LARGE1: variants seen among roughly 807,000 people sequenced by gnomAD.
The protein encoded by LARGE1 is LARGE xylosyl- and glucuronyltransferase 1.
A neutral mutation model predicts 87.6 loss-of-function variants in LARGE1; 43 were observed. The observed-to-expected ratio is 0.49, with a 90% CI of 0.38 to 0.63. The LOEUF is 0.63. Among genes scored for constraint, LARGE1 ranks in the 30% least tolerant of loss-of-function variants. The pLI is 0.00. For synonymous variants in LARGE1, 434 were observed against 394.6 expected, an observed-to-expected ratio of 1.10 and a Z score of -1.18; for missense variants, 802 against 1,000.2, an observed-to-expected ratio of 0.80 and a Z score of 2.67.
At chr22:33,296,384 A>G (rs1228222914) in intron 12 of LARGE1, among the ~76,000 whole-genome samples, 2 of 152,198 alleles carry the variant, frequency 1.3e-5, no homozygotes, top group Non-Finnish European at 2.9e-5. Flanking sequence ...TATCTGGTGC[A>G]AAGATTAAAA....
intron 6 of LARGE1, among the ~76,000 whole-genome samples, chr22:33,463,951 G>C (rs2068484195): frequency 6.6e-6 from 1 of 152,160 alleles, no homozygotes; most frequent in Admixed American, 6.5e-5. Flanking sequence ...TGGGATTACA[G>C]GTGTGGGACA....
At chr22:33,313,477 C>T (rs1935824175) in intron 11 of LARGE1, among the ~76,000 whole-genome samples, 2 of 152,236 alleles carry the variant, frequency 1.3e-5, no homozygotes, top group African/African-American at 4.8e-5. Context: ...AGATTCCCGC[C>T]CCGCTGGCGG....
At chr22:33,456,003 A>G (rs1349830458) in intron 6 of LARGE1, among the ~76,000 whole-genome samples, 2 of 152,154 alleles carry the variant, frequency 1.3e-5, no homozygotes, top group African/African-American at 2.4e-5. Flanking sequence ...ATCCACAGCT[A>G]TTCTCCCATC....
At chr22:33,306,447 G>C (rs1287564970) in intron 11 of LARGE1, among the ~76,000 whole-genome samples, 1 of 152,178 alleles carries the variant, frequency 6.6e-6, no homozygotes, top group Non-Finnish European at 1.5e-5. Flanking sequence ...GGCATGAAGA[G>C]AGGACCACTT....
chr22:33,324,860 A>C (rs1937100839), intron 10 of LARGE1, among the ~76,000 whole-genome samples: 1 of 152,218 alleles, frequency 6.6e-6, no homozygotes, highest in Admixed American at 6.5e-5. Context: ...AGTAAGACAA[A>C]GGGTTTGGAC....
At chr22:33,920,889 G>A (rs932676123), upstream of LARGE1, among the ~76,000 whole-genome samples, 16 of 146,794 alleles carry the variant, frequency 1.1e-4, no homozygotes, top group African/African-American at 3.7e-4. Context: ...TCCCGCGCCC[G>A]GCCAGGAGTG....
At chr22:33,153,499 G>A in the LARGE1 span, among the ~76,000 whole-genome samples, 70,468 of 151,990 alleles carry the variant, frequency 0.46, 16,475 homozygotes, top group South Asian at 0.69. Flanking sequence ...TCAATGAATT[G>A]TATCCATCAT....
rs2079622420 is a variant in LARGE1 at position 33,617,727 on chromosome 22, CCA to C, written c.491+8515_491+8516del. ...TATTGCTGCAGACATCAAGTGTGGT[CCA>C]CAGACAGACCAGACCACAATTCTAC... On this transcript the variant is annotated intron_variant, in intron 4 of 14. Transcript: ENST00000397394. Among the ~76,000 whole-genome samples, 3 of 152,214 alleles carry C rather than the reference CCA, an allele frequency of 2.0e-5. No individual in the cohort carries two copies. In the South Asian group the frequency reaches 6.2e-4, roughly 32 times the overall value.
chr22:33,236,186 C>G (rs1172644756), intron 11 of LARGE1, among the ~76,000 whole-genome samples: 1 of 152,216 alleles, frequency 6.6e-6, no homozygotes, highest in African/African-American at 2.4e-5. Flanking sequence ...ACCTCCAGAA[C>G]TGTGAGAGCA....
chr22:33,920,950 G>C (rs1014923406), upstream of LARGE1, among the ~76,000 whole-genome samples: 1 of 149,022 alleles, frequency 6.7e-6, no homozygotes, highest in African/African-American at 2.4e-5. Flanking sequence ...CGGGCTCCGG[G>C]CTGGCCCCGC....
intron 1 of LARGE1, among the ~76,000 whole-genome samples, chr22:33,802,007 G>GA (rs1047912680): frequency 1.3e-5 from 2 of 148,756 alleles, no homozygotes; most frequent in East Asian, 2.0e-4. Flanking sequence ...AAAGTCCTCT[G>GA]AAAAAATGCC....
chr22:33,239,540 T>TTC (rs1568985939), intron 11 of LARGE1, among the ~76,000 whole-genome samples: 1 of 133,752 alleles, frequency 7.5e-6, no homozygotes, highest in East Asian at 2.0e-4. Flanking sequence ...CTTTTCTTTT[T>TTC]TTTTTTTTTT....
At chr22:33,837,336 CACATATATAGTAT>C (rs1313957203) in intron 1 of LARGE1, among the ~76,000 whole-genome samples, 178 of 151,984 alleles carry the variant, frequency 1.2e-3, no homozygotes, top group African/African-American at 4.1e-3. Context: ...TATACACACA[CACATATATAGTAT>C]ACATATATGT....
chr22:33,520,071 C>T (rs2071506977), intron 6 of LARGE1, among the ~76,000 whole-genome samples: 1 of 135,840 alleles, frequency 7.4e-6, no homozygotes, highest in Admixed American at 8.3e-5. Flanking sequence ...GTGGTGTGAT[C>T]AGAGCTCACT....
intron 6 of LARGE1, among the ~76,000 whole-genome samples, chr22:33,501,360 C>T (rs189855737): frequency 7.9e-5 from 12 of 152,148 alleles, no homozygotes; most frequent in South Asian, 2.1e-4. Context: ...GATGGGAGAT[C>T]GCCTCTGTGT....
Position 33,231,628 on chromosome 22 carries a change from G to A in LARGE1, c.1731-64796C>T, listed in dbSNP as rs549327770. On this transcript the variant is annotated intron_variant, in intron 11 of 11. Coordinates refer to the LARGE1 transcript ENST00000608642. Reference sequence around the variant, plus strand: ...GGCATTTAAATGAAGATTTGGAGGGGACCATAAAACTTTTCCAATTTTCTA... The same window carrying A: ...GGCATTTAAATGAAGATTTGGAGGGAACCATAAAACTTTTCCAATTTTCTA... Among the ~76,000 whole-genome samples, 75 of 152,210 alleles carry A rather than the reference G, an allele frequency of 4.9e-4. 1 individual carries two copies. The South Asian group carries it at 6.2e-3, about 13-fold the overall frequency.
At chr22:33,718,990 T>C (rs1432573547) in intron 2 of LARGE1, among the ~76,000 whole-genome samples, 6 of 152,104 alleles carry the variant, frequency 3.9e-5, no homozygotes, top group Non-Finnish European at 7.4e-5. Context: ...AGTTTCACCA[T>C]GTTGGCCAGG....
intron 1 of LARGE1, among the ~76,000 whole-genome samples, chr22:33,915,732 A>G (rs1601910864): frequency 6.6e-6 from 1 of 152,216 alleles, no homozygotes; most frequent in Admixed American, 6.5e-5. Context: ...GAATACACAG[A>G]GCAAGAAGCG....
At chr22:33,186,248 G>A (rs905710284) in intron 11 of LARGE1, among the ~76,000 whole-genome samples, 10 of 152,014 alleles carry the variant, frequency 6.6e-5, no homozygotes, top group African/African-American at 2.4e-4. Context: ...ATACTTTTCA[G>A]GAATATAGAT....
Sources: gnomAD v4.1 joint callset for allele counts (sites outside exome capture counted in the v4.1 genomes callset) on GRCh38, gnomAD v4.1.1 for gene constraint, MANE v1.5 for transcripts, NCBI Gene and HGNC (gene_info 2026-07-23, HGNC 2026-07-21) for gene names.